The following ARK2N variants were observed in gnomAD, a reference collection of about 807,000 sequenced individuals.
ARK2N encodes the protein protein ARK2N.
chr18:46,243,222 T>G, the ARK2N span, among the ~76,000 whole-genome samples: 6 of 152,230 alleles, frequency 3.9e-5, no homozygotes, highest in African/African-American at 1.4e-4. Context: ...CAATAAAATA[T>G]TAATAGAATT....
chr18:46,244,936 T>G, the ARK2N span, among the ~76,000 whole-genome samples: 2 of 151,756 alleles, frequency 1.3e-5, no homozygotes, highest in Non-Finnish European at 2.9e-5. Context: ...TTCACTCTTT[T>G]TTGTTGTTGT....
At chr18:46,191,117 CATG>C in the ARK2N span, among the ~76,000 whole-genome samples, 1 of 152,020 alleles carries the variant, frequency 6.6e-6, no homozygotes, top group Non-Finnish European at 1.5e-5. Flanking sequence ...GCTTTCCTCT[CATG>C]AGGGCAGAGT....
At chr18:46,188,931 G>A in the ARK2N span, among the ~76,000 whole-genome samples, 1 of 152,182 alleles carries the variant, frequency 6.6e-6, no homozygotes, top group Non-Finnish European at 1.5e-5. Flanking sequence ...AATCAAAGTT[G>A]ACCGGGTGCG....
chr18:46,194,406 C>G, the ARK2N span, among the ~76,000 whole-genome samples: 1 of 151,942 alleles, frequency 6.6e-6, no homozygotes, highest in East Asian at 2.0e-4. Context: ...CAAGACCAGC[C>G]TGGCCAACAT....
At chr18:46,197,742 A>C in the ARK2N span, among the ~76,000 whole-genome samples, 1 of 152,144 alleles carries the variant, frequency 6.6e-6, no homozygotes, top group South Asian at 2.1e-4. Context: ...CTCTCTTTTC[A>C]AAAAGGGGAA....
At chr18:46,195,862 C>T in the ARK2N span, among the ~76,000 whole-genome samples, 1 of 152,100 alleles carries the variant, frequency 6.6e-6, no homozygotes, top group Non-Finnish European at 1.5e-5. Context: ...AGGCATGAGC[C>T]ACTGTGCCTG....
the ARK2N span, chr18:46,218,165 T>C: frequency 6.6e-5 from 10 of 152,316 alleles, no homozygotes; most frequent in African/African-American, 2.4e-4. Flanking sequence ...TTGAGAAATG[T>C]CTTCATAGGC....
the ARK2N span, among the ~76,000 whole-genome samples, chr18:46,182,683 CTTTTTTTTTTTT>C: frequency 1.1e-5 from 1 of 87,810 alleles, no homozygotes; most frequent in East Asian, 3.2e-4. Flanking sequence ...AGCCACAGTG[CTTTTTTTTTTTT>C]TTTTTTTTTG....
At chr18:46,178,157 C>T in the ARK2N span, among the ~76,000 whole-genome samples, 1 of 152,086 alleles carries the variant, frequency 6.6e-6, no homozygotes, top group Non-Finnish European at 1.5e-5. Flanking sequence ...GGGCCAGTGC[C>T]TTGAGTTTTC....
chr18:46,215,853 A>G, the ARK2N span: 2 of 1,592,088 alleles, frequency 1.3e-6, no homozygotes, highest in Admixed American at 1.7e-5. Context: ...CCTAGACTCT[A>G]CTCCATGATT....
At chr18:46,214,157 A>G in the ARK2N span, among the ~76,000 whole-genome samples, 8 of 152,228 alleles carry the variant, frequency 5.3e-5, no homozygotes, top group East Asian at 1.9e-4. Flanking sequence ...GTATTAAGCA[A>G]AAAGTGGGCT....
At chr18:46,244,920 T>A in the ARK2N span, among the ~76,000 whole-genome samples, 21 of 151,914 alleles carry the variant, frequency 1.4e-4, no homozygotes, top group Non-Finnish European at 2.2e-4. Context: ...ATTTTTGAGC[T>A]CTTCCTTCAC....
At chr18:46,263,179 A>G in the ARK2N span, 2 of 1,454,160 alleles carry the variant, frequency 1.4e-6, no homozygotes, top group Admixed American at 2.0e-5. Context: ...TCTTTGTGAC[A>G]TGGAAGTTCA....
At chr18:46,261,705 C>T in the ARK2N span, among the ~76,000 whole-genome samples, 42 of 152,278 alleles carry the variant, frequency 2.8e-4, no homozygotes, top group African/African-American at 9.1e-4. Flanking sequence ...GGACAGATGA[C>T]GGGCTTCTGG....
the ARK2N span, among the ~76,000 whole-genome samples, chr18:46,255,542 C>G: frequency 6.7e-6 from 1 of 148,670 alleles, no homozygotes; most frequent in Non-Finnish European, 1.5e-5. Context: ...ACCTCCACCT[C>G]CCAGGTTCAA....
chr18:46,203,807 A>C, the ARK2N span, among the ~76,000 whole-genome samples: 1 of 152,058 alleles, frequency 6.6e-6, no homozygotes, highest in Non-Finnish European at 1.5e-5. Flanking sequence ...GGCTGGTCTC[A>C]AACTCCTGGG....
At chr18:46,255,815 TCTTTC>T in the ARK2N span, among the ~76,000 whole-genome samples, 2 of 151,818 alleles carry the variant, frequency 1.3e-5, no homozygotes, top group African/African-American at 4.9e-5. Flanking sequence ...TATTTTTCAG[TCTTTC>T]CTTTACTCTC....
the ARK2N span, among the ~76,000 whole-genome samples, chr18:46,214,090 A>C: frequency 6.6e-6 from 1 of 152,220 alleles, no homozygotes; most frequent in African/African-American, 2.4e-5. Flanking sequence ...TGCCTGTTTT[A>C]TCAACAGCTG....
At chr18:46,183,382 A>G in the ARK2N span, among the ~76,000 whole-genome samples, 1 of 152,198 alleles carries the variant, frequency 6.6e-6, no homozygotes, top group Non-Finnish European at 1.5e-5. Context: ...GATTGTTTCT[A>G]TAATATATAT....
Sources: allele counts gnomAD v4.1 joint callset (sites outside exome capture counted in the v4.1 genomes callset), GRCh38; gene constraint gnomAD v4.1.1; transcripts MANE v1.5; gene names NCBI Gene and HGNC (gene_info 2026-07-23, HGNC 2026-07-21).